The following STK32C variants were observed in gnomAD, a reference collection of about 807,000 sequenced individuals.
STK32C encodes the protein serine/threonine kinase 32C.
In STK32C, 31 loss-of-function variants were observed where a neutral mutation model predicts 56.5. The observed-to-expected ratio is 0.55, with a 90% CI of 0.41 to 0.74. The LOEUF (loss-of-function observed/expected upper bound fraction) is 0.74. Among genes scored for constraint, STK32C ranks in the 30% least tolerant of loss-of-function variants. The pLI, the probability that STK32C is intolerant of heterozygous loss-of-function variation, is 0.00. For missense variants in STK32C, 544 were observed against 676.9 expected, an observed-to-expected ratio of 0.80 and a Z score of 2.18; for synonymous variants, 309 against 289.4, an observed-to-expected ratio of 1.07 and a Z score of -0.69.
chr10:132,230,584 T>C (rs945522055), intron 2 of STK32C, among the ~76,000 whole-genome samples: 2 of 148,448 alleles, frequency 1.3e-5, no homozygotes, highest in Non-Finnish European at 3.0e-5. Flanking sequence ...GAGACAAATA[T>C]GGTGGAAAAT....
chr10:132,317,778 G>A (rs1245590552), intron 1 of STK32C, among the ~76,000 whole-genome samples: 1 of 151,980 alleles, frequency 6.6e-6, no homozygotes, highest in Admixed American at 6.6e-5. Context: ...AAGAGATCAA[G>A]ACCATCCTGG....
rs1419643363 is a variant in STK32C, at chr10:132,221,709, G to A, written c.1251+932C>T. On this transcript the variant is annotated intron_variant, in intron 10 of 11. Coordinates refer to ENST00000298630, the MANE Select transcript of STK32C (RefSeq NM_173575.4). The stretch of plus-strand genomic sequence containing the variant: ...CCCCACACACACAACTGATGCTGAC[G>A]CACCTGGGCGAGTGTGAGGGCTTCA... 7.5e-3 allele frequency among the ~76,000 whole-genome samples: 773 copies of A among 102,928 alleles called. 6 individuals are homozygous for A. The highest frequency in any genetic ancestry group is 0.02 in the African/African-American group (581 of 28,972). The allele number at this position is 102,928 out of a possible 152,430, so 67.5% of individuals were successfully genotyped here. A position where few individuals can be genotyped will look rare whatever the true frequency, so the allele number is the denominator to read the frequency against.
chr10:132,244,913 G>A lies in STK32C; in HGVS notation c.318+987C>T, dbSNP rs187288639. Among the ~76,000 whole-genome samples, 388 of 152,208 alleles carry A rather than the reference G, an allele frequency of 2.5e-3. 9 individuals carry two copies. The highest frequency in any genetic ancestry group is 8.8e-4 in the Non-Finnish European group (60 of 68,008). On this transcript the variant is annotated intron_variant, in intron 2 of 11. Transcript: ENST00000298630. ...CAACCAGCCTCACCAGCAACAAAAC[G>A]GTGCAGGTCCACGGGCGCCTCCCAA...
chr10:132,253,072 C>T (rs1300600103), intron 1 of STK32C, among the ~76,000 whole-genome samples: 2 of 152,250 alleles, frequency 1.3e-5, no homozygotes, highest in African/African-American at 4.8e-5. Context: ...AAGCCCAGCA[C>T]CCAGACAGCA....
chr10:132,288,719 A>T (rs1295571536), intron 1 of STK32C, among the ~76,000 whole-genome samples: 1 of 152,264 alleles, frequency 6.6e-6, no homozygotes, highest in Admixed American at 6.5e-5. Flanking sequence ...CAGTAGCATA[A>T]AACAAAAATT....
At chr10:132,249,906 G>C (rs2063835060) in intron 1 of STK32C, among the ~76,000 whole-genome samples, 1 of 152,250 alleles carries the variant, frequency 6.6e-6, no homozygotes, top group South Asian at 2.1e-4. Flanking sequence ...CCCATTCCTG[G>C]CTCCCAAAGG....
intron 1 of STK32C, among the ~76,000 whole-genome samples, chr10:132,272,506 C>T (rs929352683): frequency 2.6e-5 from 4 of 152,246 alleles, no homozygotes; most frequent in African/African-American, 9.6e-5. Flanking sequence ...ACAGCTCATC[C>T]GGATGCTCGG....
chr10:132,208,902 A>G, intron 11 of STK32C, 132 bp downstream of exon 11: 1 of 797,364 alleles, frequency 1.3e-6, no homozygotes, highest in Non-Finnish European at 2.0e-6. Context: ...GCTGCTGCTC[A>G]GAGTCCCCAA....
At chr10:132,331,832 G>C, upstream of STK32C, 2 of 1,519,030 alleles carry the variant, frequency 1.3e-6, no homozygotes, top group Non-Finnish European at 1.8e-6. Context: ...TCAAGGCCGC[G>C]GGCGCGGAAA....
At chr10:132,277,819 C>T (rs1372621111) in intron 1 of STK32C, among the ~76,000 whole-genome samples, 2 of 152,140 alleles carry the variant, frequency 1.3e-5, no homozygotes, top group Admixed American at 1.3e-4. Context: ...GCTGCAGGAA[C>T]CTGGCTTCTC....
intron 10 of STK32C, among the ~76,000 whole-genome samples, chr10:132,213,020 C>A (rs1445749452): frequency 6.6e-6 from 1 of 152,174 alleles, no homozygotes; most frequent in African/African-American, 2.4e-5. Context: ...CTTATGAGGC[C>A]CCCAACGTTT....
chr10:132,297,261 C>T (rs1306519938), intron 1 of STK32C, among the ~76,000 whole-genome samples: 1 of 152,204 alleles, frequency 6.6e-6, no homozygotes, highest in Non-Finnish European at 1.5e-5. Flanking sequence ...TCCTCCGTGG[C>T]CATCCCCAGC....
chr10:132,267,655 A>G (rs372784892), intron 1 of STK32C, among the ~76,000 whole-genome samples: 3,552 of 70,130 alleles, frequency 0.051, 100 homozygotes, highest in African/African-American at 0.11. Context: ...GTCCCACATC[A>G]TGTGTGTGTG....
chr10:132,223,549 T>C (rs1023181660), intron 8 of STK32C, among the ~76,000 whole-genome samples: 1 of 152,182 alleles, frequency 6.6e-6, no homozygotes, highest in Non-Finnish European at 1.5e-5. Flanking sequence ...ACGCAGGCCC[T>C]CTCTAGCCCA....
intron 2 of STK32C, among the ~76,000 whole-genome samples, chr10:132,240,820 G>C (rs1590227608): frequency 6.6e-6 from 1 of 152,084 alleles, no homozygotes; most frequent in South Asian, 2.1e-4. Context: ...TCAAGGGGCG[G>C]GGCTGCACCC....
chr10:132,246,752 T>C (rs2063709830), intron 1 of STK32C, among the ~76,000 whole-genome samples: 1 of 152,124 alleles, frequency 6.6e-6, no homozygotes, highest in South Asian at 2.1e-4. Context: ...ACCCAGGACA[T>C]TCTCCGTACA....
chr10:132,277,073 T>C (rs746031521), intron 1 of STK32C, among the ~76,000 whole-genome samples: 28 of 152,242 alleles, frequency 1.8e-4, no homozygotes, highest in Non-Finnish European at 3.5e-4. Flanking sequence ...GCATTATTTC[T>C]AGACAGAGTG....
chr10:132,246,033 C>A (rs2063675257), intron 1 of STK32C, 78 bp from the exon 2 acceptor site: 2 of 1,387,880 alleles, frequency 1.4e-6, no homozygotes, highest in African/African-American at 1.4e-5. Context: ...ACCTCAACAT[C>A]CCCCACCCCG....
downstream of STK32C, among the ~76,000 whole-genome samples, chr10:132,319,810 G>GT (rs994179539): frequency 1.5e-4 from 23 of 151,112 alleles, no homozygotes; most frequent in Middle Eastern, 3.4e-3. Flanking sequence ...GTAGCCAAGG[G>GT]TTTTTTTTTC....
Sources: allele counts gnomAD v4.1 joint callset (sites outside exome capture counted in the v4.1 genomes callset), GRCh38; gene constraint gnomAD v4.1.1; transcripts MANE v1.5; gene names NCBI Gene and HGNC (gene_info 2026-07-23, HGNC 2026-07-21).